TASP1: variants seen among roughly 807,000 people sequenced by gnomAD.
The protein encoded by TASP1 is taspase 1, also known as threonine aspartase 1.
A neutral mutation model predicts 56.6 loss-of-function variants in TASP1; 16 were observed. That is an observed-to-expected ratio of 0.28 (90% CI 0.19 to 0.43). The LOEUF is 0.43. Ranked by LOEUF, TASP1 falls within the 20% of genes least tolerant of loss-of-function variation. The probability of loss-of-function intolerance (pLI) is 1.00; values close to 1 mark genes in which losing one functional copy is unlikely to be tolerated. For missense variants in TASP1, 393 were observed against 511.6 expected (o/e 0.77, Z 2.24); for synonymous variants, 179 against 184.2 (o/e 0.97, Z 0.23).
intron 4 of TASP1, among the ~76,000 whole-genome samples, chr20:13,599,510 C>T (rs1055135056): frequency 3.3e-5 from 5 of 152,214 alleles, no homozygotes; most frequent in South Asian, 2.1e-4. Context: ...GAGAACATCA[C>T]ACACCAGGGC....
intron 13 of TASP1, chr20:13,393,414 C>T (rs1384930899): frequency 2.0e-5 from 15 of 758,804 alleles, no homozygotes; most frequent in Admixed American, 7.3e-5. Context: ...CCTGACCTAC[C>T]GTCTGGAGAA....
the TASP1 span, among the ~76,000 whole-genome samples, chr20:13,121,764 GC>G: frequency 6.6e-6 from 1 of 152,062 alleles, no homozygotes; most frequent in African/African-American, 2.4e-5. Flanking sequence ...AAACACACAA[GC>G]AAATAAACTT....
In TASP1 at chr20:13,592,365, C is replaced by G. The variant is rs116609513; in HGVS notation, c.283-4995G>C. The stretch of plus-strand genomic sequence containing the variant: ...TGAGCCAAGATAGCACCACTGTACT[C>G]CAGCTTGGTCAATGAAAGCGAAACA... On this transcript the variant is annotated intron_variant, in intron 4 of 13. Transcript: ENST00000337743. 8.5e-3 allele frequency among the ~76,000 whole-genome samples: 1,272 copies of G among 149,536 alleles called. 22 individuals are homozygous for G. The highest frequency in any genetic ancestry group is 0.03 in the African/African-American group (1,198 of 40,310).
rs1276844939 is a variant in TASP1 at position 13,629,926 on chromosome 20, A to G, written c.145+8T>C. ...ATTGGCATCTTCCAAGCCATCCACAAAGCTTACCTGCATGCACCAACACAA... is the reference window on the plus strand; with the variant it reads ...ATTGGCATCTTCCAAGCCATCCACAGAGCTTACCTGCATGCACCAACACAA... On this transcript the variant is annotated splice_region_variant and intron_variant, in intron 2 of 13. Coordinates refer to ENST00000337743, the MANE Select transcript of TASP1 (RefSeq NM_017714.3). 6.2e-7 allele frequency: 1 copy of G among 1,613,214 alleles called. No homozygotes were observed. The highest frequency in any genetic ancestry group is 8.5e-7 in the Non-Finnish European group (1 of 1,179,754).
intron 10 of TASP1, among the ~76,000 whole-genome samples, chr20:13,514,074 CA>C (rs2044435312): frequency 6.6e-6 from 1 of 152,080 alleles, no homozygotes; most frequent in African/African-American, 2.4e-5. Flanking sequence ...AACAAATGTG[CA>C]GCAAATCTTC....
chr20:13,603,738 T>C (rs1461573096), intron 4 of TASP1, among the ~76,000 whole-genome samples: 1 of 152,210 alleles, frequency 6.6e-6, no homozygotes, highest in Non-Finnish European at 1.5e-5. Flanking sequence ...CATGAAAACA[T>C]GCTTAGCATC....
At chr20:13,349,002 T>C in the TASP1 span, among the ~76,000 whole-genome samples, 38 of 152,190 alleles carry the variant, frequency 2.5e-4, no homozygotes, top group Admixed American at 2.6e-4. Context: ...CTTCAGCCTG[T>C]CATTTGTGTG....
intron 11 of TASP1, among the ~76,000 whole-genome samples, chr20:13,456,014 C>G: frequency 6.6e-6 from 1 of 152,260 alleles, no homozygotes; most frequent in South Asian, 2.1e-4. Context: ...GAATTTTAAA[C>G]AAGCGGGATC....
chr20:13,434,999 G>A, intron 12 of TASP1, 45 bp downstream of exon 12: 5 of 1,357,920 alleles, frequency 3.7e-6, no homozygotes, highest in Non-Finnish European at 5.0e-6. Context: ...TTTTTTCTTG[G>A]AAAAAAAAAT....
intron 2 of TASP1, among the ~76,000 whole-genome samples, chr20:13,629,470 A>ATATTT (rs531268853): frequency 0.02 from 3,106 of 151,804 alleles, 49 homozygotes; most frequent in Middle Eastern, 0.051. Context: ...TTTTTCAGCA[A>ATATTT]TATTTTATTT....
At chr20:13,229,728 T>C in the TASP1 span, among the ~76,000 whole-genome samples, 1 of 152,178 alleles carries the variant, frequency 6.6e-6, no homozygotes, top group Non-Finnish European at 1.5e-5. Flanking sequence ...ATTGTGGTAA[T>C]TCTTCTAGGG....
At chr20:13,607,308 T>G (rs2048193806) in intron 4 of TASP1, among the ~76,000 whole-genome samples, 1 of 152,196 alleles carries the variant, frequency 6.6e-6, no homozygotes. Flanking sequence ...TAATGAAATT[T>G]TGGAACCCCA....
the TASP1 span, among the ~76,000 whole-genome samples, chr20:13,320,593 C>G: frequency 6.6e-6 from 1 of 152,134 alleles, no homozygotes; most frequent in Non-Finnish European, 1.5e-5. Flanking sequence ...GAGAGAAAAA[C>G]AAAGTAACCA....
the TASP1 span, among the ~76,000 whole-genome samples, chr20:13,121,761 C>G: frequency 6.6e-6 from 1 of 152,120 alleles, no homozygotes; most frequent in Admixed American, 6.5e-5. Flanking sequence ...TTGAAACACA[C>G]AAGCAAATAA....
intron 13 of TASP1, among the ~76,000 whole-genome samples, chr20:13,395,257 G>A (rs1379403539): frequency 6.6e-6 from 1 of 152,186 alleles, no homozygotes; most frequent in Non-Finnish European, 1.5e-5. Flanking sequence ...GGAGGAACAT[G>A]AAAAACACTA....
At chr20:13,280,319 T>C in the TASP1 span, among the ~76,000 whole-genome samples, 2 of 151,990 alleles carry the variant, frequency 1.3e-5, no homozygotes, top group African/African-American at 2.4e-5. Flanking sequence ...GCAACTGTGT[T>C]ATGTTTGATA....
chr20:13,559,502 G>A (rs2046272092), intron 7 of TASP1, among the ~76,000 whole-genome samples: 1 of 152,070 alleles, frequency 6.6e-6, no homozygotes, highest in Non-Finnish European at 1.5e-5. Context: ...AAGTCTCAAT[G>A]GTTGATATTC....
chr20:13,411,816 C>T (rs2123716601), intron 13 of TASP1, among the ~76,000 whole-genome samples: 1 of 152,328 alleles, frequency 6.6e-6, no homozygotes. Context: ...GTAACCTCCT[C>T]CAGATTTCTG....
At chr20:13,286,747 T>C in the TASP1 span, among the ~76,000 whole-genome samples, 1 of 152,196 alleles carries the variant, frequency 6.6e-6, no homozygotes, top group Non-Finnish European at 1.5e-5. Context: ...GTGAATGCCA[T>C]GTAAACAACA....
Sources: allele counts gnomAD v4.1 joint callset (sites outside exome capture counted in the v4.1 genomes callset), GRCh38; gene constraint gnomAD v4.1.1; transcripts MANE v1.5; gene names NCBI Gene and HGNC (gene_info 2026-07-23, HGNC 2026-07-21).